COCH: variants seen among roughly 807,000 people sequenced by gnomAD.
COCH encodes coagulation factor C homolog, cochlin (Limulus polyphemus).
A neutral mutation model predicts 54.8 loss-of-function variants in COCH; 40 were observed. The ratio of observed to expected loss-of-function variants is 0.73; its 90% CI spans 0.57 to 0.95. The LOEUF (loss-of-function observed/expected upper bound fraction) is 0.95. COCH is among the 40% of genes least tolerant of loss of function. The pLI, the probability that COCH is intolerant of heterozygous loss-of-function variation, is 0.00. For synonymous variants in COCH, 256 were observed against 237.9 expected (o/e 1.08, Z -0.70); for missense variants, 605 against 675.0 (o/e 0.90, Z 1.15).
downstream of COCH, among the ~76,000 whole-genome samples, chr14:30,891,508 A>C (rs1328238731): frequency 2.0e-5 from 3 of 152,240 alleles, no homozygotes; most frequent in African/African-American, 4.8e-5. Flanking sequence ...TAAAAATTTG[A>C]ATTTGAAAAT....
rs759563279 is a variant in COCH, at chr14:30,877,585, C to T, written c.96C>T (p.Ile32=). ...CTTTTTCTTCAGCTCCCATTGCTAT[C>T]ACATGTTTTACCAGAGGCTTGGACA... is the stretch of plus-strand genomic sequence containing the variant. ...AGSEGAAPIA[I]TCFTRGLDIR... The change falls in exon 4 of 12, where the codon ATC becomes ATT. Residue 32 remains isoleucine, a synonymous_variant. Transcript: ENST00000396618. This position sits in a 1 kb window ranked among gnomAD's most constrained non-coding sequence, Gnocchi z 8.6. The T allele has an allele frequency of 1.9e-5, 30 of 1,614,056 alleles. No individual in the cohort carries two copies. Among genetic ancestry groups the T allele is most frequent in the Admixed American group, 1.5e-4 (9 of 60,002 alleles).
intron 5 of COCH, among the ~76,000 whole-genome samples, 163 bp from the exon 6 acceptor site, chr14:30,879,260 G>T (rs1478591954): frequency 6.6e-6 from 1 of 152,118 alleles, no homozygotes; most frequent in Non-Finnish European, 1.5e-5. Flanking sequence ...AGATATAATG[G>T]ATAAGCATTT....
At chr14:30,883,177 C>A (rs1246102119) in intron 8 of COCH, among the ~76,000 whole-genome samples, 2 of 152,158 alleles carry the variant, frequency 1.3e-5, no homozygotes, top group African/African-American at 4.8e-5. Flanking sequence ...TGAGTTTGAG[C>A]AAGTCTATTT....
At position 30,877,426 on chromosome 14, in the gene COCH, G is replaced by T; in HGVS notation, c.83-146G>T. Reference sequence around the variant, plus strand: ...CTTGTGGCTTGCCAAAATCTGGAATGGTATGGAAGGGTATATAAGTCAATA... The same window carrying T: ...CTTGTGGCTTGCCAAAATCTGGAATTGTATGGAAGGGTATATAAGTCAATA... On this transcript the variant is annotated intron_variant, in intron 3 of 11. Transcript: ENST00000396618. This position sits in a 1 kb window ranked among gnomAD's most constrained non-coding sequence, Gnocchi z 8.6. 1.0e-6 allele frequency: 1 copy of T among 985,852 alleles called. No homozygotes were observed. The highest frequency in any genetic ancestry group is 1.5e-6 in the Non-Finnish European group (1 of 668,046). 61.1% of individuals were successfully genotyped at this position (985,852 alleles called of 1,614,324 possible). A position where few individuals can be genotyped will look rare whatever the true frequency, so the allele number is the denominator to read the frequency against.
At position 30,878,889 on chromosome 14, in the gene COCH, C is replaced by T. The variant is rs1412912107; in HGVS notation, c.318C>T (p.Ala106=). 6.2e-7 allele frequency: 1 copy of T among 1,614,126 alleles called. No individual in the cohort carries two copies. The highest frequency in any genetic ancestry group is 8.5e-7 in the Non-Finnish European group (1 of 1,180,022). The change falls in exon 5 of 12, where the codon GCC becomes GCT. Residue 106 remains alanine (A), a synonymous_variant. Coordinates refer to ENST00000396618, the MANE Select transcript of COCH (RefSeq NM_004086.3). ...GAGAAAACTATTCCTCAGTAGATGC[C>T]AATGGCATCCAGTCTCAAATGCTTT... is the stretch of plus-strand genomic sequence containing the variant. ...PGRENYSSVD[A]NGIQSQMLSR...
At chr14:30,882,139 T>G (rs1186083240) in intron 8 of COCH, among the ~76,000 whole-genome samples, 11 of 124,838 alleles carry the variant, frequency 8.8e-5, no homozygotes, top group African/African-American at 3.7e-4. Context: ...TTTTTTTTTT[T>G]TTTTTTTTGA....
rs61175020 is a variant in COCH at position 30,882,120 on chromosome 14, G to GTTTTTTTTTTTTTTTTTTTTTTTTTTTTT, written c.629+1413_629+1414insTTTTTTTTTTTTTTTTTTTTTTTTTTTTT. Among the ~76,000 whole-genome samples the GTTTTTTTTTTTTTTTTTTTTTTTTTTTTT allele has an allele frequency of 3.1e-4, 21 of 67,914 alleles. 1 individual carries two copies. Among genetic ancestry groups the GTTTTTTTTTTTTTTTTTTTTTTTTTTTTT allele is most frequent in the Non-Finnish European group, 5.4e-4 (20 of 36,942 alleles). The allele number at this position is 67,914 out of a possible 152,430, so 44.6% of individuals were successfully genotyped here. ...CCCTAGAGATAATCACTATAAAATGGTTTTTTTTTTTTTTTTTTTTTTTTT... is the reference window on the plus strand; with the variant it reads ...CCCTAGAGATAATCACTATAAAATGGTTTTTTTTTTTTTTTTTTTTTTTTTTTTTTTTTTTTTTTTTTTTTTTTTTTTTT... On this transcript the variant is annotated intron_variant, in intron 8 of 11. Transcript: ENST00000396618.
At chr14:30,886,435 C>T in intron 11 of COCH, 123 bp downstream of exon 11, 1 of 1,023,174 alleles carries the variant, frequency 9.8e-7, no homozygotes, top group Non-Finnish European at 1.4e-6. Context: ...CCAATATTAA[C>T]TGTTAAAGCA....
chr14:30,885,504 A>T lies in COCH; in HGVS notation c.844A>T (p.Ile282Phe). 1 of 1,613,730 alleles carries T rather than the reference A, an allele frequency of 6.2e-7. No homozygotes were observed. Among genetic ancestry groups the T allele is most frequent in the South Asian group, 1.1e-5 (1 of 91,074 alleles). Residue 282 changes from isoleucine to phenylalanine, a missense_variant, in exon 10 of 12, where the codon ATC becomes TTC. Ile to Phe is a conservative substitution (Grantham distance 21). Coordinates refer to ENST00000396618, the MANE Select transcript of COCH (RefSeq NM_004086.3). ...TATTGATGGTTGGCCTTCTGATGAC[A>T]TCGAGGAAGCAGGCATTGTGGCCAG... ...VFIDGWPSDD[I>F]EEAGIVAREF...
intron 1 of COCH, 69 bp downstream of exon 1, chr14:30,874,660 G>C: frequency 1.7e-6 from 1 of 578,142 alleles, no homozygotes; most frequent in Non-Finnish European, 3.1e-6. Context: ...TTTCTTTGTC[G>C]CTCCCAGCCT....
At chr14:30,885,000 T>C (rs991863469) in intron 9 of COCH, 10 of 1,598,440 alleles carry the variant, frequency 6.3e-6, no homozygotes, top group South Asian at 1.1e-5. Context: ...GCAGAAAGAA[T>C]GAGTAGCACT....
intron 1 of COCH, 94 bp from the exon 2 acceptor site, chr14:30,874,822 C>G: frequency 1.6e-6 from 2 of 1,241,506 alleles, no homozygotes; most frequent in Middle Eastern, 2.0e-4. Context: ...TCCTCTGCGC[C>G]GCGCCCGGGG....
Position 30,890,022 on chromosome 14 carries a change from A to G in COCH, c.*231A>G. 8.1e-7 allele frequency: 1 copy of G among 1,241,496 alleles called. No individual in the cohort carries two copies. The highest frequency in any genetic ancestry group is 1.0e-6 in the Non-Finnish European group (1 of 987,256). 76.9% of individuals were successfully genotyped at this position (1,241,496 alleles called of 1,614,324 possible). A position where few individuals can be genotyped will look rare whatever the true frequency, so the allele number is the denominator to read the frequency against. On this transcript the variant is annotated 3_prime_UTR_variant, in exon 12 of 12. Coordinates refer to ENST00000396618, the MANE Select transcript of COCH (RefSeq NM_004086.3). ...AGGCTTCATAATCATGGCTCTTAGA[A>G]ACTCAGGAAAGAGGAGATAATGTGG...
At chr14:30,874,881 A>AC in intron 1 of COCH, 35 bp from the exon 2 acceptor site, 1 of 1,602,174 alleles carries the variant, frequency 6.2e-7, no homozygotes, top group Non-Finnish European at 8.5e-7. Context: ...GGCCTCCCGC[A>AC]CCCTGGCCTT....
rs1392965494 is a variant in COCH at position 30,877,079 on chromosome 14, G to A, written c.83-493G>A. Among the ~76,000 whole-genome samples, 1 of 152,010 alleles carries A rather than the reference G, an allele frequency of 6.6e-6. No individual in the cohort carries two copies. The highest frequency in any genetic ancestry group is 1.5e-5 in the Non-Finnish European group (1 of 68,014). On this transcript the variant is annotated intron_variant, in intron 3 of 11. Coordinates refer to ENST00000396618, the MANE Select transcript of COCH (RefSeq NM_004086.3). The surrounding 1 kb of genome is among the most constrained non-coding windows in gnomAD (Gnocchi z 8.6). ...TTGTCTTGGCCTGCTAAAGTGCTGG[G>A]ATTATAGGCATGAGTCACCACGCCC...
At position 30,874,585 on chromosome 14, in the gene COCH, C is replaced by G; in HGVS notation, c.-30C>G. The G allele has an allele frequency of 4.3e-6, 2 of 464,694 alleles. No homozygotes were observed. The highest frequency in any genetic ancestry group is 7.8e-6 in the Non-Finnish European group (2 of 255,206). The allele number at this position is 464,694 out of a possible 1,614,324, so 28.8% of individuals were successfully genotyped here. A position where few individuals can be genotyped will look rare whatever the true frequency, so the allele number is the denominator to read the frequency against. On this transcript the variant is annotated 5_prime_UTR_variant, in exon 1 of 12. Coordinates refer to ENST00000396618, the MANE Select transcript of COCH (RefSeq NM_004086.3). Reference sequence around the variant, plus strand: ...CACTCGGGCGCAGCCGGGTGGATCTCGAGCAGGTGCGGAGCCCCGGGCGGC... The same window carrying G: ...CACTCGGGCGCAGCCGGGTGGATCTGGAGCAGGTGCGGAGCCCCGGGCGGC...
chr14:30,893,991 T>G (rs1164213237), downstream of COCH: 1 of 152,610 alleles, frequency 6.6e-6, no homozygotes, highest in Non-Finnish European at 1.5e-5. Flanking sequence ...ATTCATAGTT[T>G]GTAAAACAAA....
chr14:30,890,499 T>G lies in COCH; in HGVS notation c.*708T>G. ...GTCACCTAAGTACTTAAAAGTTAAG[T>G]TGGTAAAGTATTTACTGACTGCTTA... is the stretch of plus-strand genomic sequence containing the variant. On this transcript the variant is annotated 3_prime_UTR_variant, in exon 12 of 12. Transcript: ENST00000396618. 1.1e-6 allele frequency: 1 copy of G among 927,304 alleles called. No homozygotes were observed. Among genetic ancestry groups the G allele is most frequent in the Non-Finnish European group, 1.3e-6 (1 of 777,176 alleles). 57.4% of individuals were successfully genotyped at this position (927,304 alleles called of 1,614,324 possible).
At chr14:30,886,397 T>A in intron 11 of COCH, 85 bp downstream of exon 11, 1 of 1,426,684 alleles carries the variant, frequency 7.0e-7, no homozygotes, top group East Asian at 2.3e-5. Context: ...AAGCATTTAT[T>A]TCATTAAACA....
Sources: gnomAD v4.1 joint callset for allele counts (sites outside exome capture counted in the v4.1 genomes callset) on GRCh38, gnomAD v4.1.1 for gene constraint, Gnocchi (gnomAD v3.1) non-coding constraint, MANE v1.5 for transcripts, NCBI Gene and HGNC (gene_info 2026-07-23, HGNC 2026-07-21) for gene names.